Variants in TBC1D14 observed in about 807,000 individuals in gnomAD.
The protein encoded by TBC1D14 is TBC1 domain family, member 14.
A neutral mutation model predicts 79.0 loss-of-function variants in TBC1D14; 26 were observed. That is an observed-to-expected ratio of 0.33 (90% CI 0.24 to 0.46). The LOEUF (loss-of-function observed/expected upper bound fraction) is 0.46, where lower values mean the gene tolerates loss of function less well. Ranked by LOEUF, TBC1D14 falls within the 20% of genes least tolerant of loss-of-function variation. The pLI is 1.00. For synonymous variants in TBC1D14, 394 were observed against 349.9 expected, an observed-to-expected ratio of 1.13 and a Z score of -1.40; for missense variants, 769 against 887.6, an observed-to-expected ratio of 0.87 and a Z score of 1.70.
chr4:6,947,354 C>T (rs964108640), intron 2 of TBC1D14, among the ~76,000 whole-genome samples: 61 of 152,216 alleles, frequency 4.0e-4, no homozygotes, highest in African/African-American at 1.4e-3. Context: ...AAAAATTAGC[C>T]GGCTGTGGTG....
chr4:7,002,953 C>G (rs534052374), intron 7 of TBC1D14, among the ~76,000 whole-genome samples: 2 of 152,106 alleles, frequency 1.3e-5, no homozygotes, highest in African/African-American at 4.8e-5. Flanking sequence ...GTCTCTGGCT[C>G]GTGTGTGTGG....
intron 12 of TBC1D14, among the ~76,000 whole-genome samples, chr4:7,024,726 C>T (rs1209197453): frequency 6.6e-6 from 1 of 152,196 alleles, no homozygotes; most frequent in Non-Finnish European, 1.5e-5. Context: ...AGCGTGAGCA[C>T]ACAGTAGGGG....
chr4:6,912,895 G>A lies in TBC1D14; in HGVS notation c.-18+2944G>A, dbSNP rs370239507. Among the ~76,000 whole-genome samples, 4 of 152,358 alleles carry A rather than the reference G, an allele frequency of 2.6e-5. No homozygotes were observed. In the East Asian group the frequency reaches 5.8e-4, roughly 22 times the overall value. On this transcript the variant is annotated intron_variant, in intron 1 of 13. Transcript: ENST00000409757. ...GTCCAAGCTTACACAGCTGGTGAGC[G>A]AAGGAGCTGGGACTTGAACCCAGGC... is the stretch of plus-strand genomic sequence containing the variant.
chr4:7,009,889 C>T lies in TBC1D14; in HGVS notation c.1459C>T (p.His487Tyr), dbSNP rs1042232395. 3 of 1,614,054 alleles carry T rather than the reference C, an allele frequency of 1.9e-6. No individual in the cohort carries two copies. The highest frequency in any genetic ancestry group is 2.7e-5 in the African/African-American group (2 of 74,918). The change falls in exon 10 of 14, where the codon CAT becomes TAT. Residue 487 changes from histidine (H) to tyrosine (Y), a missense_variant. Around this residue, in one of 2 missense-constraint regions of TBC1D14, gnomAD observed 367 missense variants for 494.4 expected, o/e 0.74. Transcript: ENST00000409757. ...TTGATCCTTTTAGGGTGGTCCATAT[C>T]ATGACATGTTGCACAGTATTTTGGG... ...LCIFQQGGPYHDMLHSILGAY... is the reference protein window; with the variant it reads ...LCIFQQGGPYYDMLHSILGAY...
chr4:6,933,436 C>G (rs66517061), intron 2 of TBC1D14, among the ~76,000 whole-genome samples: 16,779 of 150,894 alleles, frequency 0.11, 1,312 homozygotes, highest in African/African-American at 0.22. Context: ...TCTGGAACAA[C>G]TAGGATCACA....
At chr4:7,023,899 C>T (rs185371987) in intron 12 of TBC1D14, among the ~76,000 whole-genome samples, 5 of 152,356 alleles carry the variant, frequency 3.3e-5, no homozygotes, top group Admixed American at 2.6e-4. Flanking sequence ...GCATCTGGCT[C>T]TCCGTTCCCT....
chr4:6,977,270 G>A (rs1231827721), intron 3 of TBC1D14, among the ~76,000 whole-genome samples: 2 of 148,646 alleles, frequency 1.3e-5, no homozygotes, highest in South Asian at 2.2e-4. Context: ...GCAGGTGCGC[G>A]CCGCCACGCC....
chr4:6,954,702 G>A (rs1308783659), intron 2 of TBC1D14, among the ~76,000 whole-genome samples: 2 of 152,204 alleles, frequency 1.3e-5, no homozygotes, highest in African/African-American at 2.4e-5. Context: ...CCAGGTTCAC[G>A]CGATTCTCCT....
intron 2 of TBC1D14, among the ~76,000 whole-genome samples, chr4:6,963,088 G>A (rs546929685): frequency 6.6e-6 from 1 of 152,376 alleles, no homozygotes; most frequent in South Asian, 2.1e-4. Flanking sequence ...AATGCCCTGT[G>A]CCCTGGAAAC....
At chr4:6,965,329 C>G (rs1715608068) in intron 2 of TBC1D14, among the ~76,000 whole-genome samples, 1 of 152,006 alleles carries the variant, frequency 6.6e-6, no homozygotes, top group Non-Finnish European at 1.5e-5. Flanking sequence ...GGCCCTCTTT[C>G]ATGTCCTTTT....
At chr4:7,029,591 C>T (rs1201834119) in intron 13 of TBC1D14, among the ~76,000 whole-genome samples, 1 of 152,190 alleles carries the variant, frequency 6.6e-6, no homozygotes, top group Non-Finnish European at 1.5e-5. Context: ...CTTTGGGAGG[C>T]CAAGGCGGGC....
chr4:6,914,908 G>A (rs1056848232), intron 1 of TBC1D14, among the ~76,000 whole-genome samples: 1 of 152,130 alleles, frequency 6.6e-6, no homozygotes, highest in African/African-American at 2.4e-5. Context: ...GCGTGGTGGT[G>A]GGCGGCTGTA....
chr4:6,933,980 T>A (rs1712047822), intron 2 of TBC1D14, among the ~76,000 whole-genome samples: 1 of 152,104 alleles, frequency 6.6e-6, no homozygotes, highest in Non-Finnish European at 1.5e-5. Context: ...ACTCTGAGAC[T>A]TTCGGCCTCA....
Position 6,947,314 on chromosome 4 carries a change from G to A in TBC1D14, c.723-19990G>A, listed in dbSNP as rs185336824. Among the ~76,000 whole-genome samples the A allele has an allele frequency of 3.2e-3, 487 of 152,246 alleles. 1 individual carries two copies. The highest frequency in any genetic ancestry group is 0.011 in the African/African-American group (457 of 41,550). On this transcript the variant is annotated intron_variant, in intron 2 of 13. Coordinates refer to ENST00000409757, the MANE Select transcript of TBC1D14 (RefSeq NM_020773.3). ...AGATCGAGACCATCCTGACTACCAC[G>A]GTGAAACCCCGTCTCCACTAAAAAT...
At chr4:6,912,433 G>T (rs1209939033) in intron 1 of TBC1D14, among the ~76,000 whole-genome samples, 1 of 151,814 alleles carries the variant, frequency 6.6e-6, no homozygotes, top group Non-Finnish European at 1.5e-5. Flanking sequence ...ATTTTCTTGG[G>T]CCCGGGTGGT....
rs4689579 is a variant in TBC1D14, at chr4:7,028,720, T to G, written c.2017-1607T>G. On this transcript the variant is annotated intron_variant, in intron 13 of 13. Transcript: ENST00000409757. ...GATTATAGGCGTGAGCCACCACACC[T>G]GGTCCAGGCATCAGTAACTTTTATA... 4.3e-4 allele frequency among the ~76,000 whole-genome samples: 66 copies of G among 152,134 alleles called. 2 individuals carry two copies. The highest frequency in any genetic ancestry group is 2.6e-4 in the Non-Finnish European group (18 of 67,992).
intron 8 of TBC1D14, among the ~76,000 whole-genome samples, chr4:7,005,712 A>G (rs1030327286): frequency 6.6e-6 from 1 of 151,760 alleles, no homozygotes; most frequent in African/African-American, 2.4e-5. Flanking sequence ...AAAAAAAAAG[A>G]AATAGAACAT....
In TBC1D14 at chr4:6,966,471, T is replaced by C. The variant is rs548616662; in HGVS notation, c.723-833T>C. 2.6e-5 allele frequency among the ~76,000 whole-genome samples: 4 copies of C among 152,368 alleles called. No homozygotes were observed. In the East Asian group the frequency reaches 7.7e-4, roughly 29 times the overall value. ...CTTTTTATGATATGTGAATACTCAT[T>C]ATAAATAGGTAATACAGATTTACCT... On this transcript the variant is annotated intron_variant, in intron 2 of 13. Coordinates refer to ENST00000409757, the MANE Select transcript of TBC1D14 (RefSeq NM_020773.3).
chr4:6,972,269 C>T (rs1284341557), intron 3 of TBC1D14, among the ~76,000 whole-genome samples: 2 of 152,212 alleles, frequency 1.3e-5, no homozygotes, highest in Admixed American at 1.3e-4. Context: ...AATAACTCTA[C>T]ATATAATTAT....
Sources: gnomAD v4.1 joint callset for allele counts (sites outside exome capture counted in the v4.1 genomes callset) on GRCh38, gnomAD v4.1.1 for gene constraint, gnomAD v4.1.1 regional missense constraint, MANE v1.5 for transcripts, NCBI Gene and HGNC (gene_info 2026-07-23, HGNC 2026-07-21) for gene names.